Variants in MS4A18 observed in about 807,000 individuals in gnomAD.
MS4A18 encodes the protein membrane-spanning 4-domains subfamily A member 18.
In MS4A18, 27 loss-of-function variants were observed where a neutral mutation model predicts 13.1. The ratio of observed to expected loss-of-function variants is 2.06; its 90% CI spans 1.52 to 2.84. The LOEUF is 2.84. Among genes scored for constraint, MS4A18 ranks in the 30% most tolerant of loss-of-function variants. The pLI is 0.00. For synonymous variants in MS4A18, 126 were observed against 76.5 expected, an observed-to-expected ratio of 1.65 and a Z score of -3.38; for missense variants, 307 against 196.4, an observed-to-expected ratio of 1.56 and a Z score of -3.37.
At chr11:60,739,389 T>C (rs1392894944) in intron 4 of MS4A18, among the ~76,000 whole-genome samples, 1 of 152,122 alleles carries the variant, frequency 6.6e-6, no homozygotes, top group Non-Finnish European at 1.5e-5. Context: ...TTCTGGTCTT[T>C]TGGTGCGGGG....
rs746142123 is a variant in MS4A18 at position 60,729,570 on chromosome 11, A to G, written c.255A>G (p.Pro85=). The change falls in exon 1 of 6, where the codon CCA becomes CCG. Residue 85 remains proline, a synonymous_variant. Coordinates refer to ENST00000529108, the Ensembl canonical transcript of MS4A18. ...CCATTGGGTATCAGCGACAGTATCC[A>G]GTGGGAACAGCCAGTTTGCAGACGG... The G allele has an allele frequency of 7.1e-6, 5 of 702,808 alleles. No individual in the cohort carries two copies. In the Admixed American group the frequency reaches 8.0e-5, roughly 11 times the overall value. The allele number at this position is 702,808 out of a possible 1,614,324, so 43.5% of individuals were successfully genotyped here. A position where few individuals can be genotyped will look rare whatever the true frequency, so the allele number is the denominator to read the frequency against.
intron 1 of MS4A18, 120 bp downstream of exon 2, chr11:60,729,906 G>C (rs1404129747): frequency 3.3e-6 from 2 of 603,906 alleles, no homozygotes; most frequent in Admixed American, 2.8e-5. Flanking sequence ...GGTGTGGGGG[G>C]CAGTTTCTGG....
At chr11:60,734,539 T>C (rs957318682) in intron 2 of MS4A18, among the ~76,000 whole-genome samples, 5 of 152,218 alleles carry the variant, frequency 3.3e-5, no homozygotes, top group African/African-American at 1.2e-4. Flanking sequence ...GTATATTTCA[T>C]CTTGCAGAGC....
At position 60,743,905 on chromosome 11, in the gene MS4A18, A is replaced by ACTAC. The variant is rs1179638721; in HGVS notation, c.1116_1119dup (p.Thr374TyrfsTer37). 4.3e-6 allele frequency: 3 copies of ACTAC among 702,982 alleles called. No individual in the cohort carries two copies. The African/African-American group carries it at 5.2e-5, about 12-fold the overall frequency. The allele number at this position is 702,982 out of a possible 1,614,324, so 43.5% of individuals were successfully genotyped here. ...CAATGTGACAACTGGCCCCGTTAAC[A>ACTAC]CTACCACTGCCCCTGCCAAAGCTAC... On this transcript the variant is annotated frameshift_variant, in exon 6 of 6. Transcript: ENST00000529108. LOFTEE classifies it low-confidence loss of function (END_TRUNC).
intron 1 of MS4A18, among the ~76,000 whole-genome samples, chr11:60,732,459 G>A (rs191873387): frequency 6.6e-6 from 1 of 152,154 alleles, no homozygotes; most frequent in East Asian, 1.9e-4. Flanking sequence ...GCCTGGCGTG[G>A]TGGCTCACCC....
chr11:60,743,904 C>T (rs1437134136), exon 6 of MS4A18: 7 of 703,000 alleles, frequency 1.0e-5, no homozygotes, highest in African/African-American at 3.5e-5. Context: ...GCCCCGTTAA[C>T]ACTACCACTG....
chr11:60,741,087 C>G (rs1453905554), exon 5 of MS4A18: 2 of 703,030 alleles, frequency 2.8e-6, no homozygotes, highest in Admixed American at 4.0e-5. Context: ...GGAGTTCATC[C>G]TCACTTGTGT....
chr11:60,739,024 T>A (rs1255825867), intron 4 of MS4A18, 27 bp downstream of exon 5: 1 of 702,408 alleles, frequency 1.4e-6, no homozygotes, highest in East Asian at 2.7e-5. Context: ...CAGGGCCCCG[T>A]GCTGCCAAAG....
At chr11:60,738,034 T>TG (rs765623029) in intron 3 of MS4A18, among the ~76,000 whole-genome samples, 5 of 152,208 alleles carry the variant, frequency 3.3e-5, no homozygotes, top group Admixed American at 6.5e-5. Flanking sequence ...TGCTGACTCG[T>TG]GGGGGTCTCC....
upstream of MS4A18, among the ~76,000 whole-genome samples, chr11:60,727,847 C>T (rs1828033234): frequency 2.6e-5 from 4 of 152,182 alleles, no homozygotes; most frequent in Non-Finnish European, 4.4e-5. Context: ...TCCCATTGCA[C>T]ACTTGCTCCC....
At chr11:60,744,046 G>T in exon 6 of MS4A18, 2 of 672,714 alleles carry the variant, frequency 3.0e-6, no homozygotes, top group South Asian at 1.6e-5. Flanking sequence ...ATGACAAGGG[G>T]ATACACTGTA....
At chr11:60,731,874 G>T (rs76588017) in intron 1 of MS4A18, among the ~76,000 whole-genome samples, 2,100 of 152,234 alleles carry the variant, frequency 0.014, 118 homozygotes, top group Admixed American at 0.1. Flanking sequence ...AGCCTCAAGA[G>T]TGTGTTTATG....
At chr11:60,735,343 T>A (rs1363884686) in intron 2 of MS4A18, among the ~76,000 whole-genome samples, 1 of 149,808 alleles carries the variant, frequency 6.7e-6, no homozygotes, top group African/African-American at 2.4e-5. Context: ...TTCTTTTTTT[T>A]TTTTTTTTGA....
rs540303459 is a variant in MS4A18, at chr11:60,731,229, A to G, written c.477+1437A>G. 3.3e-5 allele frequency among the ~76,000 whole-genome samples: 5 copies of G among 152,362 alleles called. No individual in the cohort carries two copies. The South Asian group carries it at 1.0e-3, about 32-fold the overall frequency. On this transcript the variant is annotated intron_variant, in intron 1 of 5. Transcript: ENST00000529108. The stretch of plus-strand genomic sequence containing the variant: ...ATTATCATCTTGTATTACAATGACT[A>G]TCATTATTATTAATTAATACTGGGT...
At chr11:60,739,898 A>C (rs993361215) in intron 4 of MS4A18, among the ~76,000 whole-genome samples, 4 of 152,200 alleles carry the variant, frequency 2.6e-5, no homozygotes, top group African/African-American at 9.7e-5. Flanking sequence ...GGGACTAACC[A>C]AGTGGGCAAG....
chr11:60,726,404 AGAAGT>A (rs1853162047), upstream of MS4A18, among the ~76,000 whole-genome samples: 1 of 152,238 alleles, frequency 6.6e-6, no homozygotes, highest in African/African-American at 2.4e-5. Context: ...CCAAGGAAAA[AGAAGT>A]GAAACCACAA....
At chr11:60,726,203 G>A (rs1220347341), upstream of MS4A18, among the ~76,000 whole-genome samples, 3 of 152,128 alleles carry the variant, frequency 2.0e-5, no homozygotes, top group South Asian at 4.2e-4. Context: ...GCAAAGAGGC[G>A]GGTCGGATCA....
At chr11:60,736,787 G>C (rs1357927160) in intron 2 of MS4A18, among the ~76,000 whole-genome samples, 191 bp from the exon 4 acceptor site, 1 of 152,186 alleles carries the variant, frequency 6.6e-6, no homozygotes, top group African/African-American at 2.4e-5. Context: ...GAGTATCACG[G>C]TATTTAGTAT....
upstream of MS4A18, among the ~76,000 whole-genome samples, chr11:60,727,382 C>T (rs951658713): frequency 6.6e-6 from 1 of 152,146 alleles, no homozygotes; most frequent in Non-Finnish European, 1.5e-5. Flanking sequence ...TGCTCAAGGT[C>T]GTACAACTAA....
Sources: allele counts gnomAD v4.1 joint callset (sites outside exome capture counted in the v4.1 genomes callset), GRCh38; gene constraint gnomAD v4.1.1; transcripts MANE v1.5; gene names NCBI Gene and HGNC (gene_info 2026-07-23, HGNC 2026-07-21).